GALNTL6: variants seen among roughly 807,000 people sequenced by gnomAD.
GALNTL6 encodes polypeptide N-acetylgalactosaminyltransferase like 6, also known as polypeptide N-acetylgalactosaminyltransferase-like 6.
Under a neutral mutation model 73.7 loss-of-function variants are expected in GALNTL6, and 46 were observed. The observed-to-expected ratio is 0.62, with a 90% CI of 0.49 to 0.80. GALNTL6 has a LOEUF of 0.80. Among genes scored for constraint, GALNTL6 ranks in the 30% least tolerant of loss-of-function variants. The pLI is 0.00. For missense variants in GALNTL6, 604 were observed against 755.0 expected (o/e 0.80, Z 2.34); for synonymous variants, 259 against 263.7 (o/e 0.98, Z 0.17).
At chr4:171,860,898 C>T (rs540571382) in intron 2 of GALNTL6, among the ~76,000 whole-genome samples, 7 of 152,218 alleles carry the variant, frequency 4.6e-5, no homozygotes, top group African/African-American at 1.4e-4. Flanking sequence ...TGGGTGATAA[C>T]GCCAATTCCA....
At chr4:172,694,177 G>A (rs1733517815) in intron 5 of GALNTL6, among the ~76,000 whole-genome samples, 2 of 151,078 alleles carry the variant, frequency 1.3e-5, no homozygotes, top group Admixed American at 1.3e-4. Context: ...TGCAGAATGT[G>A]CAGATTTGTT....
intron 4 of GALNTL6, among the ~76,000 whole-genome samples, chr4:172,326,003 A>G (rs1740928356): frequency 6.6e-6 from 1 of 151,928 alleles, no homozygotes; most frequent in African/African-American, 2.4e-5. Context: ...CTTACAAAGT[A>G]TATCACTGAT....
intron 2 of GALNTL6, among the ~76,000 whole-genome samples, chr4:172,195,033 A>C (rs1735713311): frequency 1.3e-5 from 2 of 152,174 alleles, no homozygotes; most frequent in South Asian, 4.1e-4. Flanking sequence ...ACCCATTGGC[A>C]TGCTGTAGTT....
At chr4:172,323,221 G>A (rs1029196978) in intron 4 of GALNTL6, among the ~76,000 whole-genome samples, 3 of 152,122 alleles carry the variant, frequency 2.0e-5, no homozygotes, top group Non-Finnish European at 2.9e-5. Context: ...TAAATAAGTA[G>A]TAATGACCCC....
chr4:172,730,398 A>G (rs115782285), intron 5 of GALNTL6, among the ~76,000 whole-genome samples: 6,970 of 152,206 alleles, frequency 0.046, 294 homozygotes, highest in African/African-American at 0.11. Context: ...ATTTTGTGAT[A>G]TGTTCCTACT....
At chr4:172,640,400 A>G (rs1301373318) in intron 5 of GALNTL6, among the ~76,000 whole-genome samples, 1 of 152,088 alleles carries the variant, frequency 6.6e-6, no homozygotes, top group Non-Finnish European at 1.5e-5. Flanking sequence ...ATCTCATTTA[A>G]TCTCATGTCT....
At chr4:172,568,352 C>T (rs942525196) in intron 5 of GALNTL6, among the ~76,000 whole-genome samples, 2 of 152,154 alleles carry the variant, frequency 1.3e-5, no homozygotes, top group Admixed American at 1.3e-4. Context: ...AGGCTGTTAT[C>T]CTAGCAGCAC....
intron 5 of GALNTL6, among the ~76,000 whole-genome samples, chr4:172,754,923 G>C (rs1244097036): frequency 6.6e-6 from 1 of 151,602 alleles, no homozygotes; most frequent in Non-Finnish European, 1.5e-5. Context: ...GAATGAGGAA[G>C]ATCTTTTGTG....
intron 2 of GALNTL6, among the ~76,000 whole-genome samples, chr4:171,965,699 C>T (rs1158047380): frequency 6.9e-6 from 1 of 145,220 alleles, no homozygotes; most frequent in African/African-American, 2.5e-5. Context: ...TGGGATAATA[C>T]CATATGAATT....
intron 3 of GALNTL6, among the ~76,000 whole-genome samples, chr4:172,304,844 A>C (rs1277774099): frequency 6.6e-6 from 1 of 152,130 alleles, no homozygotes; most frequent in East Asian, 1.9e-4. Context: ...CCCCGTACTT[A>C]ACACAAAAAC....
chr4:171,814,810 G>A, intron 2 of GALNTL6, 92 bp downstream of exon 2: 1 of 1,332,798 alleles, frequency 7.5e-7, no homozygotes. Context: ...GATCGCCTTG[G>A]GTTTTCCCCC....
chr4:172,104,217 A>G (rs1732611222), intron 2 of GALNTL6, among the ~76,000 whole-genome samples: 3 of 152,178 alleles, frequency 2.0e-5, no homozygotes, highest in Admixed American at 2.0e-4. Flanking sequence ...TGCTGGGATT[A>G]CAGGTGTGAG....
chr4:172,035,803 G>T (rs1741914735), intron 2 of GALNTL6, among the ~76,000 whole-genome samples: 1 of 152,122 alleles, frequency 6.6e-6, no homozygotes, highest in South Asian at 2.1e-4. Context: ...TTTTGAGATG[G>T]CTTTGACAGT....
At chr4:171,959,711 T>C (rs868637496) in intron 2 of GALNTL6, among the ~76,000 whole-genome samples, 4 of 152,170 alleles carry the variant, frequency 2.6e-5, no homozygotes, top group South Asian at 4.1e-4. Context: ...TTTATGAGAA[T>C]GACTGGATCC....
chr4:172,173,950 G>C (rs1579212761), intron 2 of GALNTL6, among the ~76,000 whole-genome samples: 1 of 151,572 alleles, frequency 6.6e-6, no homozygotes, highest in Non-Finnish European at 1.5e-5. Context: ...GTGGAGAGGA[G>C]GTGAAAAGAT....
intron 12 of GALNTL6, among the ~76,000 whole-genome samples, chr4:173,031,051 C>T (rs990027041): frequency 5.3e-5 from 8 of 152,004 alleles, no homozygotes; most frequent in African/African-American, 1.9e-4. Context: ...CAGGCTCTGG[C>T]TCCTGCAGGG....
chr4:172,100,281 G>C (rs1183488766), intron 2 of GALNTL6, among the ~76,000 whole-genome samples: 1 of 151,932 alleles, frequency 6.6e-6, no homozygotes. Flanking sequence ...CACATAGCTG[G>C]CCCTTAATGA....
At chr4:172,415,919 T>G (rs1183312124) in intron 5 of GALNTL6, among the ~76,000 whole-genome samples, 1 of 152,154 alleles carries the variant, frequency 6.6e-6, no homozygotes, top group Non-Finnish European at 1.5e-5. Context: ...GGGGTCGATC[T>G]TTAACTACCA....
chr4:172,114,394 AG>A (rs1732932579), intron 2 of GALNTL6, among the ~76,000 whole-genome samples: 1 of 152,212 alleles, frequency 6.6e-6, no homozygotes, highest in African/African-American at 2.4e-5. Context: ...GAAGGGTATA[AG>A]TCATTCGTTC....
Sources: gnomAD v4.1 joint callset for allele counts (sites outside exome capture counted in the v4.1 genomes callset) on GRCh38, gnomAD v4.1.1 for gene constraint, MANE v1.5 for transcripts, NCBI Gene and HGNC (gene_info 2026-07-23, HGNC 2026-07-21) for gene names.